TANGO2: variants seen among roughly 807,000 people sequenced by gnomAD.
TANGO2 encodes transport and golgi organization 2 homolog.
TANGO2 carries 26 observed loss-of-function variants against 39.1 expected under a neutral mutation model. The observed-to-expected ratio is 0.67, with a 90% CI of 0.49 to 0.92. The LOEUF (loss-of-function observed/expected upper bound fraction) is 0.92, where lower values mean the gene tolerates loss of function less well. Among genes scored for constraint, TANGO2 ranks in the 40% least tolerant of loss-of-function variants. The probability of loss-of-function intolerance (pLI) is 0.00; values close to 1 mark genes in which losing one functional copy is unlikely to be tolerated. For synonymous variants in TANGO2, 131 were observed against 144.5 expected, an observed-to-expected ratio of 0.91 and a Z score of 0.67; for missense variants, 326 against 360.1, an observed-to-expected ratio of 0.91 and a Z score of 0.77.
At chr22:20,018,554 C>A (rs979742800), upstream of TANGO2, among the ~76,000 whole-genome samples, 19 of 152,312 alleles carry the variant, frequency 1.2e-4, no homozygotes, top group African/African-American at 4.6e-4. Flanking sequence ...ACTGGACAGA[C>A]CTCTGTTGAA....
chr22:20,064,270 A>G (rs1409462381), intron 8 of TANGO2, among the ~76,000 whole-genome samples: 1 of 152,196 alleles, frequency 6.6e-6, no homozygotes, highest in Admixed American at 6.5e-5. Context: ...GGCTCATGCT[A>G]CACGGGGAGA....
chr22:20,039,602 C>T (rs1403278235), intron 2 of TANGO2, among the ~76,000 whole-genome samples: 1 of 151,960 alleles, frequency 6.6e-6, no homozygotes, highest in Non-Finnish European at 1.5e-5. Flanking sequence ...GCACTCCAGC[C>T]TGGATGACAG....
intron 6 of TANGO2, among the ~76,000 whole-genome samples, chr22:20,060,264 G>A (rs2048123829): frequency 1.3e-5 from 2 of 151,226 alleles, no homozygotes; most frequent in Non-Finnish European, 2.9e-5. Context: ...CAGGAGAATG[G>A]CGTGAACCCG....
intron 3 of TANGO2, among the ~76,000 whole-genome samples, chr22:20,049,660 C>CAAAAAAA (rs695789): frequency 3.4e-5 from 3 of 87,122 alleles, no homozygotes; most frequent in Non-Finnish European, 2.5e-5. Context: ...AACTCTGTCT[C>CAAAAAAA]AAAAAAAAAA....
chr22:20,067,042 G>C lies in TANGO2; in HGVS notation c.*2380G>C, dbSNP rs1466945061. 1 of 152,164 alleles carries C rather than the reference G, an allele frequency of 6.6e-6. No individual in the cohort carries two copies. The highest frequency in any genetic ancestry group is 1.5e-5 in the Non-Finnish European group (1 of 68,052). The allele number at this position is 152,164 out of a possible 1,614,324, so 9.4% of individuals were successfully genotyped here. A position where few individuals can be genotyped will look rare whatever the true frequency, so the allele number is the denominator to read the frequency against. ...AGAATGTGACTGCATTTGGAGATAG[G>C]GTTCTTCCAGGGGTAACCAAGGTAG... is the stretch of plus-strand genomic sequence containing the variant. On this transcript the variant is annotated 3_prime_UTR_variant, in exon 9 of 9. Coordinates refer to ENST00000327374, the MANE Select transcript of TANGO2 (RefSeq NM_152906.7).
In TANGO2 at chr22:20,064,437, G is replaced by A. The variant is rs2048940595; in HGVS notation, c.711-105G>A. On this transcript the variant is annotated intron_variant, in intron 8 of 8. Transcript: ENST00000327374. The stretch of plus-strand genomic sequence containing the variant: ...TGACTTGGCACAGCCTCCAGGCATG[G>A]GGTTCCTAACTCTACCTGCCTGCAT... The A allele has an allele frequency of 3.5e-6, 5 of 1,426,624 alleles. No individual in the cohort carries two copies. In the African/African-American group the frequency reaches 5.6e-5, roughly 16 times the overall value. The allele number at this position is 1,426,624 out of a possible 1,614,324, so 88.4% of individuals were successfully genotyped here.
chr22:20,063,158 A>G, intron 7 of TANGO2, 180 bp from the exon 8 acceptor site: 1 of 572,330 alleles, frequency 1.7e-6, no homozygotes, highest in Non-Finnish European at 3.1e-6. Context: ...CTCCTCCTCA[A>G]AAAAAGAAAA....
chr22:20,019,433 C>T (rs1379004200), upstream of TANGO2: 1 of 152,240 alleles, frequency 6.6e-6, no homozygotes, highest in African/African-American at 2.4e-5. Flanking sequence ...TTCCTGGCAT[C>T]GCATGTCATC....
At chr22:20,058,650 A>G (rs1193503993) in intron 6 of TANGO2, among the ~76,000 whole-genome samples, 2 of 151,918 alleles carry the variant, frequency 1.3e-5, no homozygotes, top group African/African-American at 2.4e-5. Context: ...TCAAAAAAAA[A>G]AAAAACAAAG....
At chr22:20,060,348 CAAAA>C (rs1180539682) in intron 6 of TANGO2, among the ~76,000 whole-genome samples, 2 of 80,692 alleles carry the variant, frequency 2.5e-5, no homozygotes, top group Non-Finnish European at 2.4e-5. Context: ...GACTCCGTCT[CAAAA>C]AAAAAAAAAA....
chr22:20,043,508 GA>G (rs1355170232), intron 3 of TANGO2, 65 bp downstream of exon 3: 1 of 1,157,302 alleles, frequency 8.6e-7, no homozygotes, highest in African/African-American at 1.5e-5. Flanking sequence ...TGCGTGGCCC[GA>G]GTGACCCTAA....
intron 2 of TANGO2, among the ~76,000 whole-genome samples, chr22:20,041,695 CTCGGCCT>C (rs2043978699): frequency 6.6e-6 from 1 of 152,174 alleles, no homozygotes; most frequent in South Asian, 2.1e-4. Flanking sequence ...ATCCACCCAC[CTCGGCCT>C]CGCAAAATGC....
In TANGO2 at chr22:20,043,355, G is replaced by A. The variant is rs1243185585; in HGVS notation, c.57G>A (p.Arg19=). Residue 19 remains arginine (R), a splice_region_variant and synonymous_variant, in exon 3 of 9, where the codon AGG becomes AGA. Coordinates refer to ENST00000327374, the MANE Select transcript of TANGO2 (RefSeq NM_152906.7). ...DPRPVSKNAY[R]LILAANRDEF... The stretch of plus-strand genomic sequence containing the variant: ...CATCAGTGATGCTTTCCTCTTGCAG[G>A]CTCATCTTGGCAGCCAACAGGGATG... The A allele has an allele frequency of 6.2e-7, 1 of 1,610,790 alleles. No individual in the cohort carries two copies. Among genetic ancestry groups the A allele is most frequent in the Non-Finnish European group, 8.5e-7 (1 of 1,177,546 alleles).
At chr22:20,032,313 C>G (rs973750880) in intron 1 of TANGO2, among the ~76,000 whole-genome samples, 1 of 152,282 alleles carries the variant, frequency 6.6e-6, no homozygotes, top group Non-Finnish European at 1.5e-5. Flanking sequence ...CTTCTGCAAG[C>G]CTGGTGGTTG....
Position 20,043,425 on chromosome 22 carries a change from A to T in TANGO2, c.127A>T (p.Asn43Tyr). Residue 43 changes from asparagine to tyrosine, a missense_variant, in exon 3 of 9, where the codon AAC (asparagine) becomes TAC (tyrosine). Transcript: ENST00000327374. The part of the protein sequence containing the change: ...PSKLADFWGN[N>Y]NEILSGLDME... ...CAAGTTAGCTGACTTCTGGGGGAAC[A>T]ACAACGAGATCCTCAGTGGTGAGTC... 6.2e-7 allele frequency: 1 copy of T among 1,613,168 alleles called. No homozygotes were observed. Among genetic ancestry groups the T allele is most frequent in the Admixed American group, 1.7e-5 (1 of 59,954 alleles).
At chr22:20,051,306 C>T (rs112595671) in intron 3 of TANGO2, among the ~76,000 whole-genome samples, 273 of 148,632 alleles carry the variant, frequency 1.8e-3, no homozygotes, top group African/African-American at 6.1e-3. Context: ...CCAAGGCGGA[C>T]GGATCACCTG....
At chr22:20,019,493 C>G (rs913451286), upstream of TANGO2, among the ~76,000 whole-genome samples, 10 of 152,216 alleles carry the variant, frequency 6.6e-5, no homozygotes, top group African/African-American at 2.4e-4. Flanking sequence ...TCTGCTCTGG[C>G]TCTGTCTAGC....
At chr22:20,045,539 T>C (rs1221767786) in intron 3 of TANGO2, among the ~76,000 whole-genome samples, 1 of 150,646 alleles carries the variant, frequency 6.6e-6, no homozygotes, top group Non-Finnish European at 1.5e-5. Flanking sequence ...ATTTTGCTCT[T>C]GTTGCCCAGG....
chr22:20,018,952 G>T (rs1240165191), upstream of TANGO2, among the ~76,000 whole-genome samples: 2 of 152,188 alleles, frequency 1.3e-5, no homozygotes, highest in Non-Finnish European at 2.9e-5. Context: ...GGGCATGGTG[G>T]TAGACGCCCA....
Sources: allele counts gnomAD v4.1 joint callset (sites outside exome capture counted in the v4.1 genomes callset), GRCh38; gene constraint gnomAD v4.1.1; transcripts MANE v1.5; gene names NCBI Gene and HGNC (gene_info 2026-07-23, HGNC 2026-07-21).